ZNF235: variants seen among roughly 807,000 people sequenced by gnomAD.
ZNF235 encodes zfp-93.
In ZNF235, 25 loss-of-function variants were observed where a neutral mutation model predicts 29.4. That is an observed-to-expected ratio of 0.85 (90% CI 0.62 to 1.19). ZNF235 has a LOEUF of 1.19. Ranked by LOEUF, ZNF235 falls within the 50% of genes most tolerant of loss-of-function variation. ZNF235 has a pLI of 0.00. For missense variants in ZNF235, 788 were observed against 885.0 expected (o/e 0.89, Z 1.39); for synonymous variants, 300 against 295.3 (o/e 1.02, Z -0.16).
At chr19:44,294,580 G>T (rs1975628365) in intron 4 of ZNF235, among the ~76,000 whole-genome samples, 1 of 152,048 alleles carries the variant, frequency 6.6e-6, no homozygotes, top group Admixed American at 6.6e-5. Context: ...AGCCACTCTT[G>T]CTCTGATACC....
Position 44,287,209 on chromosome 19 carries a change from C to T in ZNF235, c.*9G>A. ...GCTCTAACTGAAGGCTGAACCACACCTCTCATTTCTACAGATTCCCTCCAG... is the reference window on the plus strand; with the variant it reads ...GCTCTAACTGAAGGCTGAACCACACTTCTCATTTCTACAGATTCCCTCCAG... On this transcript the variant is annotated 3_prime_UTR_variant, in exon 5 of 5. Transcript: ENST00000291182. 1.3e-6 allele frequency: 2 copies of T among 1,572,884 alleles called. No homozygotes were observed. Among genetic ancestry groups the T allele is most frequent in the South Asian group, 2.4e-5 (2 of 83,798 alleles).
chr19:44,304,457 AAGGAT>A (rs1975801297), intron 1 of ZNF235, among the ~76,000 whole-genome samples: 1 of 152,208 alleles, frequency 6.6e-6, no homozygotes. Flanking sequence ...CACATCAGGC[AAGGAT>A]TAGAGAAGGG....
rs1975527216 is a variant in ZNF235, at chr19:44,288,353, T to C, written c.1082A>G (p.His361Arg). 1.2e-6 allele frequency: 2 copies of C among 1,613,986 alleles called. No homozygotes were observed. Among genetic ancestry groups the C allele is most frequent in the African/African-American group, 2.7e-5 (2 of 74,918 alleles). The change falls in exon 5 of 5, where the codon CAT (histidine) becomes CGT (arginine). Residue 361 changes from histidine to arginine, a missense_variant. By Grantham distance (29) the His-to-Arg change is conservative. Coordinates refer to ENST00000291182, the MANE Select transcript of ZNF235 (RefSeq NM_004234.4). ...GTGAATAGGCAAATGAGCATAAAGA[T>C]GTGAGCTCTGATTAAAGCTCTTACC... ...ECGKSFNQSS[H>R]LYAHLPIHTG...
intron 4 of ZNF235, among the ~76,000 whole-genome samples, chr19:44,294,322 T>C (rs548886050): frequency 6.6e-6 from 1 of 152,148 alleles, no homozygotes; most frequent in African/African-American, 2.4e-5. Flanking sequence ...CCTGGAAACA[T>C]ACAACCTCCC....
At chr19:44,299,491 A>C in intron 3 of ZNF235, 115 bp downstream of exon 3, 1 of 1,380,354 alleles carries the variant, frequency 7.2e-7, no homozygotes, top group Non-Finnish European at 1.0e-6. Context: ...GGATGCCACT[A>C]AACATCCCAA....
chr19:44,292,389 T>A (rs1262108708), intron 4 of ZNF235, among the ~76,000 whole-genome samples: 1 of 151,678 alleles, frequency 6.6e-6, no homozygotes, highest in Non-Finnish European at 1.5e-5. Flanking sequence ...TATCTTTTTT[T>A]TAAAAAGCCA....
At chr19:44,295,695 A>G (rs1251813317) in intron 4 of ZNF235, among the ~76,000 whole-genome samples, 3 of 152,262 alleles carry the variant, frequency 2.0e-5, no homozygotes, top group East Asian at 1.9e-4. Flanking sequence ...AAATTACACT[A>G]CATGGCTATA....
chr19:44,303,216 T>G (rs566001752), intron 2 of ZNF235, among the ~76,000 whole-genome samples, 174 bp downstream of exon 2: 93 of 147,798 alleles, frequency 6.3e-4, no homozygotes, highest in African/African-American at 2.2e-3. Flanking sequence ...GATATATATA[T>G]ATCTCTCTGT....
At chr19:44,295,926 T>G (rs1316624250) in intron 4 of ZNF235, among the ~76,000 whole-genome samples, 1 of 152,204 alleles carries the variant, frequency 6.6e-6, no homozygotes, top group Admixed American at 6.5e-5. Flanking sequence ...CAGATTCTAA[T>G]AATAGCCATT....
At chr19:44,304,075 G>A (rs891490356) in intron 1 of ZNF235, among the ~76,000 whole-genome samples, 3 of 152,142 alleles carry the variant, frequency 2.0e-5, no homozygotes, top group African/African-American at 7.2e-5. Flanking sequence ...AATTAGTTCC[G>A]TTGGTAATGA....
rs563061835 is a variant in ZNF235 at position 44,286,806 on chromosome 19, A to G, written c.*412T>C. Reference sequence around the variant, plus strand: ...CCTATTATGAGCCAAGCACAATTCTACATGGTAGAGATAGAGTGGTGAAAA... The same window carrying G: ...CCTATTATGAGCCAAGCACAATTCTGCATGGTAGAGATAGAGTGGTGAAAA... On this transcript the variant is annotated 3_prime_UTR_variant, in exon 5 of 5. Transcript: ENST00000291182. 1 of 160,564 alleles carries G rather than the reference A, an allele frequency of 6.2e-6. No individual in the cohort carries two copies. The highest frequency in any genetic ancestry group is 1.4e-5 in the Non-Finnish European group (1 of 73,248). 9.9% of individuals were successfully genotyped at this position (160,564 alleles called of 1,614,324 possible). A position where few individuals can be genotyped will look rare whatever the true frequency, so the allele number is the denominator to read the frequency against.
chr19:44,298,376 T>C (rs1340771586), intron 4 of ZNF235, among the ~76,000 whole-genome samples: 1 of 151,806 alleles, frequency 6.6e-6, no homozygotes, highest in Non-Finnish European at 1.5e-5. Context: ...GAGAGTGACA[T>C]GATGTGACAG....
At chr19:44,292,367 GAA>G (rs1237532677) in intron 4 of ZNF235, among the ~76,000 whole-genome samples, 2 of 151,598 alleles carry the variant, frequency 1.3e-5, no homozygotes, top group African/African-American at 4.8e-5. Context: ...TTACCAAAGA[GAA>G]AGAGATAGGT....
rs773544257 is a variant in ZNF235 at position 44,288,827 on chromosome 19, A to G, written c.608T>C (p.Met203Thr). The G allele has an allele frequency of 6.2e-7, 1 of 1,612,940 alleles. No individual in the cohort carries two copies. Among genetic ancestry groups the G allele is most frequent in the South Asian group, 1.1e-5 (1 of 90,938 alleles). ...AGCAAATATACATAGTTTGTTTTTC[A>G]TCTGAGTCTGCTTACAACTTCTCTG... ...NYQRSCKQTQMKNKLCIFAPY... is the reference protein window; with the variant it reads ...NYQRSCKQTQTKNKLCIFAPY... The change falls in exon 5 of 5, where the codon ATG becomes ACG. Residue 203 changes from methionine (M) to threonine (T), a missense_variant. Coordinates refer to ENST00000291182, the MANE Select transcript of ZNF235 (RefSeq NM_004234.4).
At chr19:44,296,857 A>G (rs1906116685) in intron 4 of ZNF235, among the ~76,000 whole-genome samples, 1 of 152,224 alleles carries the variant, frequency 6.6e-6, no homozygotes, top group African/African-American at 2.4e-5. Context: ...AAACCTGAAA[A>G]TTCCATAAAT....
At chr19:44,300,313 C>T (rs1176474810) in intron 2 of ZNF235, among the ~76,000 whole-genome samples, 1 of 152,144 alleles carries the variant, frequency 6.6e-6, no homozygotes, top group African/African-American at 2.4e-5. Context: ...GAACTTAGGA[C>T]AGTGTGTGAC....
In ZNF235 at chr19:44,287,980, T is replaced by G; in HGVS notation, c.1455A>C (p.Lys485Asn). Residue 485 changes from lysine (K) to asparagine (N), a missense_variant, in exon 5 of 5, where the codon AAA becomes AAC. Transcript: ENST00000291182. ...TACCACACTCTTCACATTTATATGG[T>G]TTTTCTCCTGTGTGGACTCGTTGAT... is the stretch of plus-strand genomic sequence containing the variant. ...HSHQRVHTGEKPYKCEECGKG... is the reference protein window; with the variant it reads ...HSHQRVHTGENPYKCEECGKG... 1 of 1,614,086 alleles carries G rather than the reference T, an allele frequency of 6.2e-7. No individual in the cohort carries two copies. Among genetic ancestry groups the G allele is most frequent in the Non-Finnish European group, 8.5e-7 (1 of 1,180,008 alleles).
At chr19:44,303,662 T>C (rs890318010) in intron 1 of ZNF235, among the ~76,000 whole-genome samples, 1 of 152,168 alleles carries the variant, frequency 6.6e-6, no homozygotes, top group Non-Finnish European at 1.5e-5. Flanking sequence ...TTAACAGACC[T>C]AAATCAAATA....
At chr19:44,303,298 T>C (rs749148924) in intron 2 of ZNF235, 92 bp downstream of exon 2, 15 of 1,379,706 alleles carry the variant, frequency 1.1e-5, no homozygotes, top group Non-Finnish European at 1.5e-5. Flanking sequence ...GTGCCTTTCG[T>C]TCCCTTTTAC....
Sources: allele counts gnomAD v4.1 joint callset (sites outside exome capture counted in the v4.1 genomes callset), GRCh38; gene constraint gnomAD v4.1.1; transcripts MANE v1.5; gene names NCBI Gene and HGNC (gene_info 2026-07-23, HGNC 2026-07-21).